EBF4: variants seen among roughly 807,000 people sequenced by gnomAD.
The protein encoded by EBF4 is EBF transcription factor 4.
Under a neutral mutation model 67.1 loss-of-function variants are expected in EBF4, and 34 were observed. That is an observed-to-expected ratio of 0.51 (90% CI 0.39 to 0.67). The LOEUF (loss-of-function observed/expected upper bound fraction) is 0.67. Among genes scored for constraint, EBF4 ranks in the 30% least tolerant of loss-of-function variants. The probability of loss-of-function intolerance (pLI) is 0.00; values close to 1 mark genes in which losing one functional copy is unlikely to be tolerated. For synonymous variants in EBF4, 387 were observed against 377.7 expected, an observed-to-expected ratio of 1.02 and a Z score of -0.29; for missense variants, 837 against 873.3, an observed-to-expected ratio of 0.96 and a Z score of 0.52.
chr20:2,729,536 G>A (rs1394270336), intron 6 of EBF4, among the ~76,000 whole-genome samples: 1 of 152,140 alleles, frequency 6.6e-6, no homozygotes, highest in Non-Finnish European at 1.5e-5. Flanking sequence ...GCCGAAGTGA[G>A]ACAGACACAC....
At position 2,749,991 on chromosome 20, in the gene EBF4, G is replaced by A. The variant is rs1261238174; in HGVS notation, c.1018+18G>A. ...CTACACAGGTAAGGAGTCGGGCGGGGGAGTGGAGGTCTAAGGTGCGCGGAG... is the reference window on the plus strand; with the variant it reads ...CTACACAGGTAAGGAGTCGGGCGGGAGAGTGGAGGTCTAAGGTGCGCGGAG... On this transcript the variant is annotated intron_variant, in intron 10 of 16. Coordinates refer to ENST00000609451, the Ensembl canonical transcript of EBF4. 6.5e-7 allele frequency: 1 copy of A among 1,543,380 alleles called. No homozygotes were observed. The highest frequency in any genetic ancestry group is 8.8e-7 in the Non-Finnish European group (1 of 1,142,610).
chr20:2,727,737 C>A (rs1017056712), intron 6 of EBF4, among the ~76,000 whole-genome samples: 3 of 152,158 alleles, frequency 2.0e-5, no homozygotes, highest in Non-Finnish European at 4.4e-5. Flanking sequence ...CACTTATCAT[C>A]TTTTTTATAG....
intron 6 of EBF4, among the ~76,000 whole-genome samples, chr20:2,734,478 G>A (rs2087853064): frequency 6.6e-6 from 1 of 152,176 alleles, no homozygotes; most frequent in African/African-American, 2.4e-5. Context: ...GATAGTTCCT[G>A]TTGGCTGCTT....
intron 6 of EBF4, among the ~76,000 whole-genome samples, chr20:2,713,692 G>C (rs6051327): frequency 7.9e-5 from 12 of 152,292 alleles, no homozygotes; most frequent in African/African-American, 2.4e-4. Context: ...ATGTGCAAGG[G>C]ATATTTATTT....
Position 2,693,921 on chromosome 20 carries a change from C to G in EBF4, c.137+139C>G, listed in dbSNP as rs1353350690. ...TCCCGGCGAGCTCCCCGGCCCACCC[C>G]GTCCGGAGTGCCTGTGCTGCCTCCT... On this transcript the variant is annotated intron_variant, in intron 1 of 16. Coordinates refer to ENST00000609451, the Ensembl canonical transcript of EBF4. This position sits in a 1 kb window ranked among gnomAD's most constrained non-coding sequence, Gnocchi z 4.6. 3.8e-5 allele frequency: 43 copies of G among 1,138,650 alleles called. No homozygotes were observed. Among genetic ancestry groups the G allele is most frequent in the Middle Eastern group, 3.2e-4 (1 of 3,092 alleles). 70.5% of individuals were successfully genotyped at this position (1,138,650 alleles called of 1,614,324 possible). A position where few individuals can be genotyped will look rare whatever the true frequency, so the allele number is the denominator to read the frequency against.
intron 6 of EBF4, among the ~76,000 whole-genome samples, chr20:2,712,452 T>C (rs1264072847): frequency 1.3e-5 from 2 of 152,186 alleles, no homozygotes; most frequent in African/African-American, 4.8e-5. Flanking sequence ...TTCTGACCTA[T>C]CAACTTAGAA....
intron 6 of EBF4, among the ~76,000 whole-genome samples, chr20:2,717,280 A>G (rs575416461): frequency 5.9e-5 from 9 of 152,370 alleles, no homozygotes; most frequent in African/African-American, 2.2e-4. Context: ...TTAGGAATAC[A>G]AGAGTAAACA....
At chr20:2,743,369 G>A (rs971100890) in intron 6 of EBF4, among the ~76,000 whole-genome samples, 1 of 152,192 alleles carries the variant, frequency 6.6e-6, no homozygotes, top group African/African-American at 2.4e-5. Context: ...AGACCCCAAC[G>A]GAAGTCCTCT....
At chr20:2,709,493 G>T in intron 5 of EBF4, 81 bp from the exon 6 acceptor site, 3 of 1,354,970 alleles carry the variant, frequency 2.2e-6, no homozygotes, top group Non-Finnish European at 3.0e-6. Flanking sequence ...TCAGCTCAGG[G>T]CGCCCCCCAC....
chr20:2,729,572 G>C (rs571336145), intron 6 of EBF4, among the ~76,000 whole-genome samples: 2 of 152,174 alleles, frequency 1.3e-5, no homozygotes, highest in African/African-American at 4.8e-5. Flanking sequence ...CATTGAGATG[G>C]GGGGAGCTAC....
At chr20:2,705,266 TG>T (rs1372131438) in intron 1 of EBF4, among the ~76,000 whole-genome samples, 2 of 152,230 alleles carry the variant, frequency 1.3e-5, no homozygotes, top group African/African-American at 4.8e-5. Context: ...TTTTTGAGAC[TG>T]GCCTTGCAAA....
chr20:2,726,093 A>G (rs1467317099), intron 6 of EBF4, among the ~76,000 whole-genome samples: 13 of 152,144 alleles, frequency 8.5e-5, no homozygotes, highest in Non-Finnish European at 1.6e-4. Flanking sequence ...TATGGCTTCC[A>G]GTTGCCCCAA....
Position 2,749,983 on chromosome 20 carries a change from C to T in EBF4, c.1018+10C>T, listed in dbSNP as rs938997275. On this transcript the variant is annotated intron_variant, in intron 10 of 16. Transcript: ENST00000609451. Reference sequence around the variant, plus strand: ...CGCTTTGTCTACACAGGTAAGGAGTCGGGCGGGGGAGTGGAGGTCTAAGGT... The same window carrying T: ...CGCTTTGTCTACACAGGTAAGGAGTTGGGCGGGGGAGTGGAGGTCTAAGGT... 5 of 1,545,856 alleles carry T rather than the reference C, an allele frequency of 3.2e-6. No homozygotes were observed. Among genetic ancestry groups the T allele is most frequent in the East Asian group, 4.9e-5 (2 of 40,850 alleles).
Position 2,755,294 on chromosome 20 carries a change from T to G in EBF4, c.1541-333T>G. 6 of 301,818 alleles carry G rather than the reference T, an allele frequency of 2.0e-5. No homozygotes were observed. The highest frequency in any genetic ancestry group is 3.1e-5 in the Non-Finnish European group (5 of 162,482). 18.7% of individuals were successfully genotyped at this position (301,818 alleles called of 1,614,324 possible). A position where few individuals can be genotyped will look rare whatever the true frequency, so the allele number is the denominator to read the frequency against. ...TCCTAGCATCTCAGAATCCCAGGGG[T>G]TTTCAGCAGAAATCCTGAAGTAGTC... On this transcript the variant is annotated intron_variant, in intron 14 of 16. Coordinates refer to ENST00000609451, the Ensembl canonical transcript of EBF4. The surrounding 1 kb of genome is among the most constrained non-coding windows in gnomAD (Gnocchi z 4.7).
chr20:2,736,818 A>G (rs1252473613), intron 6 of EBF4, among the ~76,000 whole-genome samples: 2 of 141,672 alleles, frequency 1.4e-5, no homozygotes, highest in Non-Finnish European at 3.0e-5. Context: ...CTGAGATGCC[A>G]GTCATAAGGA....
intron 6 of EBF4, among the ~76,000 whole-genome samples, chr20:2,729,298 A>G (rs1302725253): frequency 6.6e-6 from 1 of 152,184 alleles, no homozygotes; most frequent in Non-Finnish European, 1.5e-5. Context: ...GGCTGATGAA[A>G]AACAGGCATG....
chr20:2,716,667 G>A (rs1292604048), intron 6 of EBF4, among the ~76,000 whole-genome samples: 3 of 152,146 alleles, frequency 2.0e-5, no homozygotes, highest in Non-Finnish European at 2.9e-5. Context: ...TGTGAATTAA[G>A]GAATCAATGT....
intron 6 of EBF4, among the ~76,000 whole-genome samples, chr20:2,717,701 C>T (rs2087628382): frequency 6.6e-6 from 1 of 151,984 alleles, no homozygotes; most frequent in African/African-American, 2.4e-5. Context: ...CAAACAAATA[C>T]TGTTTTATTT....
At chr20:2,733,054 G>A (rs991618133) in intron 6 of EBF4, among the ~76,000 whole-genome samples, 10 of 152,102 alleles carry the variant, frequency 6.6e-5, no homozygotes, top group Non-Finnish European at 1.5e-5. Context: ...ACTCCCTTTA[G>A]TATTTCTTGT....
Sources: gnomAD v4.1 joint callset for allele counts (sites outside exome capture counted in the v4.1 genomes callset) on GRCh38, gnomAD v4.1.1 for gene constraint, Gnocchi (gnomAD v3.1) non-coding constraint, MANE v1.5 for transcripts, NCBI Gene and HGNC (gene_info 2026-07-23, HGNC 2026-07-21) for gene names.